BCAT2: variants seen among roughly 807,000 people sequenced by gnomAD.
The protein encoded by BCAT2 is branched chain amino acid transaminase 2.
A neutral mutation model predicts 52.9 loss-of-function variants in BCAT2; 44 were observed. The ratio of observed to expected loss-of-function variants is 0.83; its 90% CI spans 0.65 to 1.07. BCAT2 has a LOEUF of 1.07. Ranked by LOEUF, BCAT2 falls within the 50% of genes least tolerant of loss-of-function variation. BCAT2 has a pLI of 0.00. For missense variants in BCAT2, 478 were observed against 521.8 expected (o/e 0.92, Z 0.82); for synonymous variants, 215 against 217.1 (o/e 0.99, Z 0.08).
intron 1 of BCAT2, among the ~76,000 whole-genome samples, chr19:48,809,708 T>C (rs1312713958): frequency 2.6e-5 from 4 of 151,802 alleles, no homozygotes; most frequent in Admixed American, 1.3e-4. Context: ...TTCCCCATTA[T>C]AACCAGCATT....
chr19:48,808,318 T>A, intron 1 of BCAT2: 1 of 915,308 alleles, frequency 1.1e-6, no homozygotes, highest in Non-Finnish European at 1.3e-6. Context: ...AGAGCTGCCC[T>A]CAGAGCCAAG....
In BCAT2 at chr19:48,796,518, C is replaced by A; in HGVS notation, c.1066-16G>T. 6.2e-7 allele frequency: 1 copy of A among 1,611,202 alleles called. No individual in the cohort carries two copies. Among genetic ancestry groups the A allele is most frequent in the Non-Finnish European group, 8.5e-7 (1 of 1,179,124 alleles). On this transcript the variant is annotated splice_polypyrimidine_tract_variant and intron_variant, in intron 9 of 10. Coordinates refer to ENST00000316273, the MANE Select transcript of BCAT2 (RefSeq NM_001190.4). ...TGTGGAGGTTCTGGGACAGAAGGTG[C>A]GGTGAGGACCAAGCCCCTCCCCTCC...
In BCAT2 at chr19:48,799,884, C is replaced by T. The variant is rs1429018020; in HGVS notation, c.532-46G>A. 2 of 1,582,978 alleles carry T rather than the reference C, an allele frequency of 1.3e-6. No individual in the cohort carries two copies. Among genetic ancestry groups the T allele is most frequent in the Admixed American group, 3.7e-5 (2 of 54,566 alleles). Reference sequence around the variant, plus strand: ...GCGTCAGGAGTCCAGGCCCCCAGTCCCTTCCCGTCCCCAGGCCCAGGCCTC... The same window carrying T: ...GCGTCAGGAGTCCAGGCCCCCAGTCTCTTCCCGTCCCCAGGCCCAGGCCTC... On this transcript the variant is annotated intron_variant, in intron 5 of 10. Transcript: ENST00000316273. This position sits in a 1 kb window ranked among gnomAD's most constrained non-coding sequence, Gnocchi z 5.5.
chr19:48,797,213 G>C lies in BCAT2; in HGVS notation c.816C>G (p.Val272=). The C allele has an allele frequency of 6.2e-7, 1 of 1,613,892 alleles. No individual in the cohort carries two copies. Among genetic ancestry groups the C allele is most frequent in the Non-Finnish European group, 8.5e-7 (1 of 1,179,886 alleles). The part of the protein sequence containing the change: ...LTEVGTMNIF[V]YWTHEDGVLE... ...TACCCCCATCTTCGTGGGTCCAGTA[G>C]ACAAAGATGTTCATGGTTCCCACCT... Residue 272 remains valine, a synonymous_variant, in exon 7 of 11, where the codon GTC becomes GTG. Coordinates refer to ENST00000316273, the MANE Select transcript of BCAT2 (RefSeq NM_001190.4).
In BCAT2 at chr19:48,796,597, C is replaced by A; in HGVS notation, c.1046G>T (p.Arg349Leu). 6.2e-7 allele frequency: 1 copy of A among 1,612,852 alleles called. No homozygotes were observed. The highest frequency in any genetic ancestry group is 8.5e-7 in the Non-Finnish European group (1 of 1,179,648). ...GTACQVCPVHRILYKDRNLHI... is the reference protein window; with the variant it reads ...GTACQVCPVHLILYKDRNLHI... ...CCTCACCCTGTCTTTGTACAGGATT[C>A]GGTGCACTGGGCAGACCTGGCAAGC... The change falls in exon 9 of 11, where the codon CGA (arginine) becomes CTA (leucine). Residue 349 changes from arginine (R) to leucine (L), a missense_variant. Transcript: ENST00000316273.
chr19:48,802,047 A>C (rs999047483), intron 3 of BCAT2, among the ~76,000 whole-genome samples: 2 of 151,904 alleles, frequency 1.3e-5, no homozygotes, highest in African/African-American at 4.8e-5. Flanking sequence ...CCAGCCCCAG[A>C]TGAATTTTTT....
chr19:48,795,481 G>A lies in BCAT2; in HGVS notation c.1141-17C>T. 1 of 1,613,696 alleles carries A rather than the reference G, an allele frequency of 6.2e-7. No homozygotes were observed. The highest frequency in any genetic ancestry group is 1.1e-5 in the South Asian group (1 of 91,026). On this transcript the variant is annotated splice_polypyrimidine_tract_variant and intron_variant, in intron 10 of 10. Transcript: ENST00000316273. The stretch of plus-strand genomic sequence containing the variant: ...GATTCCGTACTGCGGAACAACGGAG[G>A]CAGTGCGTGAGGTGGAAGCTGCACT...
intron 1 of BCAT2, chr19:48,810,767 T>A: frequency 5.9e-6 from 6 of 1,012,952 alleles, no homozygotes; most frequent in African/African-American, 1.9e-5. Flanking sequence ...TCCCCGCCAA[T>A]TACTTGCCCC....
At position 48,804,281 on chromosome 19, in the gene BCAT2, C is replaced by T. The variant is rs1397378827; in HGVS notation, c.300+2236G>A. ...AAATAAGGCCAGGCATGGTGGCTCA[C>T]GCCTGCAATCCCAGCACTTTGGGAG... is the stretch of plus-strand genomic sequence containing the variant. On this transcript the variant is annotated intron_variant, in intron 3 of 10. Coordinates refer to ENST00000316273, the MANE Select transcript of BCAT2 (RefSeq NM_001190.4). Among the ~76,000 whole-genome samples the T allele has an allele frequency of 2.6e-5, 4 of 152,132 alleles. No individual in the cohort carries two copies. The East Asian group carries it at 5.8e-4, about 22-fold the overall frequency.
chr19:48,796,543 C>A, intron 9 of BCAT2, 35 bp downstream of exon 9: 1 of 1,610,364 alleles, frequency 6.2e-7, no homozygotes, highest in Non-Finnish European at 8.5e-7. Context: ...CCCTCCCCTC[C>A]TTCCCTCCCA....
At chr19:48,795,580 T>A in intron 10 of BCAT2, 116 bp from the exon 11 acceptor site, 1 of 1,200,212 alleles carries the variant, frequency 8.3e-7, no homozygotes, top group Non-Finnish European at 1.2e-6. Context: ...TCACGGGAAA[T>A]GTAGTCCACT....
intron 1 of BCAT2, among the ~76,000 whole-genome samples, chr19:48,808,642 CA>C (rs934377356): frequency 4.0e-5 from 6 of 151,848 alleles, no homozygotes; most frequent in African/African-American, 1.5e-4. Context: ...GTAGTCCCAG[CA>C]ACTTGGGAAG....
chr19:48,805,104 CA>C (rs1189115036), intron 3 of BCAT2, among the ~76,000 whole-genome samples: 1 of 152,156 alleles, frequency 6.6e-6, no homozygotes, highest in African/African-American at 2.4e-5. Flanking sequence ...TAAAATCAGC[CA>C]ACCTGCTAAC....
At chr19:48,798,627 TTTC>T (rs1219076004) in intron 6 of BCAT2, among the ~76,000 whole-genome samples, 15 of 112,616 alleles carry the variant, frequency 1.3e-4, no homozygotes, top group Non-Finnish European at 2.8e-4. Context: ...CTGCGAAACC[TTTC>T]TTTTTTTTTT....
chr19:48,802,441 C>CTT (rs35775607), intron 3 of BCAT2, among the ~76,000 whole-genome samples: 1,968 of 87,016 alleles, frequency 0.023, 32 homozygotes, highest in African/African-American at 0.031. Context: ...TACTGGATTC[C>CTT]TTTTTTTTTT....
At chr19:48,808,400 G>T in intron 1 of BCAT2, 14 of 196,702 alleles carry the variant, frequency 7.1e-5, no homozygotes, top group Non-Finnish European at 1.1e-4. Flanking sequence ...CGCACAAACA[G>T]AAAAAAAAAA....
chr19:48,806,608 C>T lies in BCAT2; in HGVS notation c.209G>A (p.Trp70Ter). 6.2e-7 allele frequency: 1 copy of T among 1,614,184 alleles called. No individual in the cohort carries two copies. The highest frequency in any genetic ancestry group is 1.3e-5 in the African/African-American group (1 of 75,042). Residue 70 changes from tryptophan to a stop codon, truncating the protein, a stop_gained, in exon 3 of 11, where the codon TGG (tryptophan) becomes TAG (stop). Transcript: ENST00000316273. LOFTEE classifies it high-confidence loss of function. The stretch of plus-strand genomic sequence containing the variant: ...GGGCTGGCCCCAGCCCTTGTCATTC[C>T]ATTCCACCATCAGCATGTGGTCGGT... ...TFTDHMLMVE[W>*]NDKGWGQPRI...
chr19:48,798,173 G>A (rs2034574127), intron 6 of BCAT2, among the ~76,000 whole-genome samples: 1 of 152,136 alleles, frequency 6.6e-6, no homozygotes, highest in Admixed American at 6.6e-5. Context: ...CCAAAGTGCT[G>A]GGATTACAAG....
Position 48,796,938 on chromosome 19 carries a change from C to T in BCAT2, c.923G>A (p.Trp308Ter). Residue 308 changes from tryptophan (W) to a stop codon, truncating the protein, a stop_gained and splice_region_variant, in exon 8 of 11, where the codon TGG becomes TAG. Coordinates refer to ENST00000316273, the MANE Select transcript of BCAT2 (RefSeq NM_001190.4). LOFTEE classifies it high-confidence loss of function. Reference protein sequence around the residue: ...RQSLLDMAQTWGEFRVVERTI... With the variant: ...RQSLLDMAQT ...CACCAGAAGATGCCATGTCCTCACC[C>T]AGGTCTGAGCCATGTCCAGTAGACT... 6.2e-7 allele frequency: 1 copy of T among 1,614,186 alleles called. No individual in the cohort carries two copies. Among genetic ancestry groups the T allele is most frequent in the Admixed American group, 1.7e-5 (1 of 60,014 alleles).
Sources: allele counts gnomAD v4.1 joint callset (sites outside exome capture counted in the v4.1 genomes callset), GRCh38; gene constraint gnomAD v4.1.1; non-coding constraint Gnocchi (gnomAD v3.1); transcripts MANE v1.5; gene names NCBI Gene and HGNC (gene_info 2026-07-23, HGNC 2026-07-21).